Variants in SASH1 observed in about 807,000 individuals in gnomAD.
SASH1 encodes the protein SAM and SH3 domain-containing protein 1.
Under a neutral mutation model 125.2 loss-of-function variants are expected in SASH1, and 44 were observed. The ratio of observed to expected loss-of-function variants is 0.35; its 90% confidence interval spans 0.28 to 0.45. SASH1 has a LOEUF of 0.45. Ranked by LOEUF, SASH1 falls within the 20% of genes least tolerant of loss-of-function variation. SASH1 has a pLI of 1.00. For missense variants in SASH1, 1,426 were observed against 1,614.5 expected, an observed-to-expected ratio of 0.88 and a Z score of 2.00; for synonymous variants, 639 against 649.1, an observed-to-expected ratio of 0.98 and a Z score of 0.24.
chr6:148,543,650 G>GTGAT (rs776829226), intron 17 of SASH1, 30 bp from the exon 18 acceptor site: 8 of 1,506,268 alleles, frequency 5.3e-6, no homozygotes, highest in East Asian at 2.3e-5. Context: ...CTTTTAAAAT[G>GTGAT]TGATTGTAAA....
intron 4 of SASH1, among the ~76,000 whole-genome samples, chr6:148,446,103 T>TTTTTTTTTTTTTTTTTTTTC (rs1776763904): frequency 9.7e-5 from 2 of 20,688 alleles, no homozygotes; most frequent in Non-Finnish European, 2.0e-4. Flanking sequence ...TTTTTTTTTT[T>TTTTTTTTTTTTTTTTTTTTC]TTTTTTTTTT....
At chr6:148,307,700 G>A (rs1232864318) in intron 1 of SASH1, among the ~76,000 whole-genome samples, 1 of 151,744 alleles carries the variant, frequency 6.6e-6, no homozygotes, top group Non-Finnish European at 1.5e-5. Context: ...GTTGAATTAG[G>A]CAGCTGCTTG....
intron 7 of SASH1, 98 bp from the exon 8 acceptor site, chr6:148,487,515 CA>C: frequency 1.2e-6 from 1 of 830,402 alleles, no homozygotes; most frequent in Middle Eastern, 2.9e-4. Context: ...GATTATGAAC[CA>C]GGAACCTAGA....
In SASH1 at chr6:148,389,210, C is replaced by T. The variant is rs551236821; in HGVS notation, c.157-924C>T. ...CTACACGAGCCGGCTAAAGTCTAAG[C>T]GCTTCACACGTGTTACTCCAGTAGT... On this transcript the variant is annotated intron_variant, in intron 1 of 19. Transcript: ENST00000367467. Among the ~76,000 whole-genome samples the T allele has an allele frequency of 4.6e-5, 7 of 152,066 alleles. No homozygotes were observed. The South Asian group carries it at 1.5e-3, about 32-fold the overall frequency.
Position 148,495,181 on chromosome 6 carries a change from T to C in SASH1, c.729+7466T>C, listed in dbSNP as rs567503420. Among the ~76,000 whole-genome samples, 1 of 152,334 alleles carries C rather than the reference T, an allele frequency of 6.6e-6. No individual in the cohort carries two copies. The highest frequency in any genetic ancestry group is 2.1e-4 in the South Asian group (1 of 4,824). The stretch of plus-strand genomic sequence containing the variant: ...GCCAGGGCACCGGCAGAAGTTCCTT[T>C]TAAGTGGTTCTTGTGGCAAATGGCT... On this transcript the variant is annotated intron_variant, in intron 8 of 19. Coordinates refer to ENST00000367467, the MANE Select transcript of SASH1 (RefSeq NM_015278.5). This position sits in a 1 kb window ranked among gnomAD's most constrained non-coding sequence, Gnocchi z 4.0.
chr6:148,468,789 GT>G, intron 5 of SASH1: 6 of 489,914 alleles, frequency 1.2e-5, no homozygotes, highest in Non-Finnish European at 2.1e-5. Flanking sequence ...CTGTTTTATA[GT>G]TTTTAACTTG....
At chr6:148,241,516 T>G in the SASH1 span, among the ~76,000 whole-genome samples, 4 of 152,172 alleles carry the variant, frequency 2.6e-5, no homozygotes, top group Non-Finnish European at 5.9e-5. Flanking sequence ...ATAGACCCCT[T>G]GAATTGTGTC....
At chr6:148,303,958 A>C (rs1780048504) in intron 1 of SASH1, among the ~76,000 whole-genome samples, 1 of 152,174 alleles carries the variant, frequency 6.6e-6, no homozygotes, top group South Asian at 2.1e-4. Flanking sequence ...CTCAGAAGGC[A>C]ATGTATGGCT....
intron 1 of SASH1, among the ~76,000 whole-genome samples, chr6:148,295,063 TTCTC>T (rs943332313): frequency 2.7e-4 from 41 of 151,546 alleles, no homozygotes; most frequent in African/African-American, 9.0e-4. Context: ...TTCTTTCTCG[TTCTC>T]TCTCTCTCTC....
intron 1 of SASH1, among the ~76,000 whole-genome samples, chr6:148,302,595 T>TAC (rs66830113): frequency 0.018 from 2,731 of 147,798 alleles, 73 homozygotes; most frequent in African/African-American, 0.063. Context: ...TATGCACACA[T>TAC]ACACACACAC....
chr6:148,440,349 C>A lies in SASH1; in HGVS notation c.337-9C>A. Reference sequence around the variant, plus strand: ...TGACCACACTGACTATACGAATCTTCTCTCGTAGGAGTCGCTTGGCTTCTG... The same window carrying A: ...TGACCACACTGACTATACGAATCTTATCTCGTAGGAGTCGCTTGGCTTCTG... On this transcript the variant is annotated splice_polypyrimidine_tract_variant and intron_variant, in intron 3 of 19. Coordinates refer to ENST00000367467, the MANE Select transcript of SASH1 (RefSeq NM_015278.5). 1 of 1,613,702 alleles carries A rather than the reference C, an allele frequency of 6.2e-7. No individual in the cohort carries two copies.
At chr6:148,541,503 T>A (rs777439557) in intron 17 of SASH1, among the ~76,000 whole-genome samples, 10 of 152,122 alleles carry the variant, frequency 6.6e-5, no homozygotes, top group Non-Finnish European at 1.2e-4. Context: ...GTTTCAGTTA[T>A]GTCTGTGTGT....
At chr6:148,325,106 A>G (rs9322143) in intron 1 of SASH1, among the ~76,000 whole-genome samples, 1,720 of 152,308 alleles carry the variant, frequency 0.011, 38 homozygotes, top group African/African-American at 0.04. Context: ...TAGACTGGGT[A>G]ATTTATAAAG....
At chr6:148,444,457 T>C (rs180923163) in intron 4 of SASH1, among the ~76,000 whole-genome samples, 4 of 152,276 alleles carry the variant, frequency 2.6e-5, no homozygotes, top group Admixed American at 6.5e-5. Context: ...CTAGATGTGC[T>C]TGACCTGCAT....
chr6:148,205,102 T>C, the SASH1 span, among the ~76,000 whole-genome samples: 2 of 152,312 alleles, frequency 1.3e-5, no homozygotes, highest in African/African-American at 2.4e-5. Context: ...TCTTTTCAGA[T>C]GTCTATTGGT....
rs377447966 is a variant in SASH1 at position 148,408,268 on chromosome 6, C to T, written c.285+18006C>T. Among the ~76,000 whole-genome samples the T allele has an allele frequency of 1.4e-4, 21 of 150,966 alleles. No homozygotes were observed. In the South Asian group the frequency reaches 1.7e-3, roughly 12 times the overall value. On this transcript the variant is annotated intron_variant, in intron 2 of 19. Coordinates refer to ENST00000367467, the MANE Select transcript of SASH1 (RefSeq NM_015278.5). ...GACTACAGGTGCCCGCCACCACGCC[C>T]GGCTAATTTTTGTATTTTTAGTAGA...
intron 2 of SASH1, among the ~76,000 whole-genome samples, chr6:148,420,545 C>T (rs934343381): frequency 2.6e-5 from 4 of 152,162 alleles, no homozygotes; most frequent in Admixed American, 6.5e-5. Flanking sequence ...AGGGAGTTTA[C>T]ATGCCACTGT....
At chr6:148,313,066 G>C (rs1219583566) in intron 1 of SASH1, among the ~76,000 whole-genome samples, 1 of 152,182 alleles carries the variant, frequency 6.6e-6, no homozygotes, top group East Asian at 1.9e-4. Flanking sequence ...AGTCTTAGGA[G>C]TTAGTGGCAG....
intron 1 of SASH1, among the ~76,000 whole-genome samples, chr6:148,321,836 T>C (rs948800572): frequency 6.6e-6 from 1 of 152,196 alleles, no homozygotes; most frequent in African/African-American, 2.4e-5. Context: ...GTTGTTATGA[T>C]TGGGTAAGAA....
Sources: allele counts gnomAD v4.1 joint callset (sites outside exome capture counted in the v4.1 genomes callset), GRCh38; gene constraint gnomAD v4.1.1; non-coding constraint Gnocchi (gnomAD v3.1); transcripts MANE v1.5; gene names NCBI Gene and HGNC (gene_info 2026-07-23, HGNC 2026-07-21).